ATRNL1: variants seen among roughly 807,000 people sequenced by gnomAD.
The protein encoded by ATRNL1 is attractin like 1, also known as attractin-like protein 1.
A neutral mutation model predicts 182.7 loss-of-function variants in ATRNL1; 95 were observed. The observed-to-expected ratio is 0.52, with a 90% CI of 0.44 to 0.62. The LOEUF (loss-of-function observed/expected upper bound fraction) is 0.62. Ranked by LOEUF, ATRNL1 falls within the 20% of genes least tolerant of loss-of-function variation. ATRNL1 has a pLI of 0.00. For missense variants in ATRNL1, 1,471 were observed against 1,679.5 expected (o/e 0.88, Z 2.17); for synonymous variants, 576 against 568.3 (o/e 1.01, Z -0.19).
At chr10:115,853,526 C>T (rs1951104051) in intron 28 of ATRNL1, among the ~76,000 whole-genome samples, 2 of 152,152 alleles carry the variant, frequency 1.3e-5, no homozygotes, top group Non-Finnish European at 2.9e-5. Context: ...TTCTAGCAGC[C>T]TCTGAAATTT....
intron 21 of ATRNL1, among the ~76,000 whole-genome samples, chr10:115,442,748 T>G (rs1846759061): frequency 6.6e-6 from 1 of 152,074 alleles, no homozygotes; most frequent in African/African-American, 2.4e-5. Context: ...ATGTCTTGTT[T>G]ATTTGTGTGA....
chr10:115,832,105 G>T (rs927403500), intron 27 of ATRNL1, among the ~76,000 whole-genome samples: 6 of 152,118 alleles, frequency 3.9e-5, no homozygotes, highest in Admixed American at 6.5e-5. Flanking sequence ...GAGGGTTATT[G>T]GTTGCCAGAA....
At chr10:115,556,366 A>G (rs1853315062) in intron 26 of ATRNL1, among the ~76,000 whole-genome samples, 1 of 152,180 alleles carries the variant, frequency 6.6e-6, no homozygotes, top group Admixed American at 6.5e-5. Context: ...AAGTTTTGCT[A>G]CGACTTATTC....
intron 26 of ATRNL1, among the ~76,000 whole-genome samples, chr10:115,657,637 T>C (rs1860410102): frequency 6.6e-6 from 1 of 152,154 alleles, no homozygotes; most frequent in Admixed American, 6.5e-5. Flanking sequence ...ATCTTGGGCA[T>C]TGCAGGATCT....
intron 13 of ATRNL1, among the ~76,000 whole-genome samples, chr10:115,276,626 A>C (rs1852116949): frequency 6.6e-6 from 1 of 152,204 alleles, no homozygotes; most frequent in East Asian, 1.9e-4. Context: ...ATTTCAGTCT[A>C]GATTATGTAC....
intron 27 of ATRNL1, among the ~76,000 whole-genome samples, chr10:115,745,720 C>T (rs1948272838): frequency 6.6e-6 from 1 of 152,092 alleles, no homozygotes. Context: ...GCAAAAACTG[C>T]AATTACTTTT....
chr10:115,515,484 G>T (rs1226872250), intron 24 of ATRNL1, among the ~76,000 whole-genome samples: 2 of 151,510 alleles, frequency 1.3e-5, no homozygotes, highest in Non-Finnish European at 3.0e-5. Context: ...GGCCATATGT[G>T]AAATTATAGT....
At chr10:115,337,071 C>T (rs1018174016) in intron 19 of ATRNL1, among the ~76,000 whole-genome samples, 27 of 151,560 alleles carry the variant, frequency 1.8e-4, no homozygotes, top group African/African-American at 6.5e-4. Flanking sequence ...CTATGTTGGC[C>T]AGGCTGGTCT....
chr10:115,596,407 G>T (rs1326116166), intron 26 of ATRNL1, among the ~76,000 whole-genome samples: 1 of 152,008 alleles, frequency 6.6e-6, no homozygotes, highest in South Asian at 2.1e-4. Context: ...CGCCCGGCCC[G>T]TCATTATTCT....
chr10:115,176,704 A>G (rs1847523617), intron 8 of ATRNL1, among the ~76,000 whole-genome samples: 1 of 152,104 alleles, frequency 6.6e-6, no homozygotes, highest in African/African-American at 2.4e-5. Context: ...AACGATGAGG[A>G]GTTCAGTTTG....
chr10:115,818,521 A>C (rs1464208536), intron 27 of ATRNL1, among the ~76,000 whole-genome samples: 2 of 152,144 alleles, frequency 1.3e-5, no homozygotes, highest in African/African-American at 4.8e-5. Context: ...AGCAATCAGC[A>C]GTCATTAATA....
At chr10:115,153,473 T>C (rs1271901162) in intron 5 of ATRNL1, among the ~76,000 whole-genome samples, 2 of 152,218 alleles carry the variant, frequency 1.3e-5, no homozygotes, top group African/African-American at 4.8e-5. Context: ...TATCCATTTC[T>C]TCTAGATTTT....
chr10:115,929,756 A>G (rs2134588934), intron 28 of ATRNL1, among the ~76,000 whole-genome samples: 1 of 152,276 alleles, frequency 6.6e-6, no homozygotes, highest in African/African-American at 2.4e-5. Flanking sequence ...ATTATGGGAT[A>G]ATTAGTATGA....
intron 18 of ATRNL1, among the ~76,000 whole-genome samples, chr10:115,328,172 A>T (rs1438525948): frequency 6.6e-6 from 1 of 151,998 alleles, no homozygotes; most frequent in African/African-American, 2.4e-5. Flanking sequence ...TAATAACATT[A>T]TTGTAAAGAT....
At chr10:115,743,731 A>G (rs944429821) in intron 27 of ATRNL1, among the ~76,000 whole-genome samples, 12 of 152,094 alleles carry the variant, frequency 7.9e-5, no homozygotes, top group Admixed American at 7.9e-4. Context: ...TAATTGCTCA[A>G]TTATGCAACT....
chr10:115,812,670 G>T (rs567516710), intron 27 of ATRNL1, among the ~76,000 whole-genome samples: 1 of 152,158 alleles, frequency 6.6e-6, no homozygotes. Context: ...TAGAAACGGG[G>T]TTTCACCATG....
chr10:115,856,682 G>T (rs71472875), intron 28 of ATRNL1, among the ~76,000 whole-genome samples: 1 of 152,004 alleles, frequency 6.6e-6, no homozygotes, highest in Non-Finnish European at 1.5e-5. Context: ...TTGCAGCCTA[G>T]ATCCCTCACA....
intron 27 of ATRNL1, among the ~76,000 whole-genome samples, chr10:115,763,827 T>C (rs17093558): frequency 0.2 from 30,196 of 152,222 alleles, 3,499 homozygotes; most frequent in South Asian, 0.3. Flanking sequence ...TTCTATAGCA[T>C]GGAAACACTT....
chr10:115,442,293 CTCTCTCTCTCTG>C (rs1359067281), intron 21 of ATRNL1, among the ~76,000 whole-genome samples: 6 of 130,248 alleles, frequency 4.6e-5, no homozygotes, highest in South Asian at 2.5e-4. Context: ...CTCTCTCTCT[CTCTCTCTCTCTG>C]TGTGTATGTG....
Sources: gnomAD v4.1 joint callset for allele counts (sites outside exome capture counted in the v4.1 genomes callset) on GRCh38, gnomAD v4.1.1 for gene constraint, MANE v1.5 for transcripts, NCBI Gene and HGNC (gene_info 2026-07-23, HGNC 2026-07-21) for gene names.